Variants in PTPRN2 observed in about 807,000 individuals in gnomAD.
PTPRN2 encodes the protein protein tyrosine phosphatase receptor type N2, also known as receptor-type tyrosine-protein phosphatase N2.
A neutral mutation model predicts 118.8 loss-of-function variants in PTPRN2; 74 were observed. The observed-to-expected ratio is 0.62, with a 90% CI of 0.52 to 0.76. PTPRN2 has a LOEUF of 0.76. PTPRN2 is among the 30% of genes least tolerant of loss of function. PTPRN2 has a pLI of 0.00. For synonymous variants in PTPRN2, 641 were observed against 608.0 expected, an observed-to-expected ratio of 1.05 and a Z score of -0.80; for missense variants, 1,481 against 1,394.4, an observed-to-expected ratio of 1.06 and a Z score of -0.99.
chr7:158,565,554 G>A lies in PTPRN2; in HGVS notation c.112+22004C>T, dbSNP rs914886567. On this transcript the variant is annotated intron_variant, in intron 1 of 22. Coordinates refer to ENST00000389418, the MANE Select transcript of PTPRN2 (RefSeq NM_002847.5). This position sits in a 1 kb window ranked among gnomAD's most constrained non-coding sequence, Gnocchi z 4.6. The stretch of plus-strand genomic sequence containing the variant: ...AATGGTGAGAAATCTTAACTCGGAC[G>A]GCAAACTTCCCGTCTGGGATCTGCA... 6.6e-5 allele frequency among the ~76,000 whole-genome samples: 10 copies of A among 152,122 alleles called. No homozygotes were observed. The highest frequency in any genetic ancestry group is 1.2e-4 in the Non-Finnish European group (8 of 68,022).
chr7:157,811,988 C>A (rs1489578630), intron 12 of PTPRN2, among the ~76,000 whole-genome samples: 1 of 152,158 alleles, frequency 6.6e-6, no homozygotes, highest in Non-Finnish European at 1.5e-5. Flanking sequence ...CGACTTAAGA[C>A]ATGGCTCAGT....
intron 12 of PTPRN2, among the ~76,000 whole-genome samples, chr7:157,745,201 G>A (rs1048587723): frequency 2.6e-5 from 4 of 152,140 alleles, no homozygotes; most frequent in South Asian, 2.1e-4. Flanking sequence ...AGTCAGCAAC[G>A]GTGGCCCCTG....
chr7:158,262,490 CAT>C (rs1294474659), intron 3 of PTPRN2, among the ~76,000 whole-genome samples: 12 of 127,358 alleles, frequency 9.4e-5, no homozygotes, highest in East Asian at 7.0e-4. Flanking sequence ...GCTGCACACA[CAT>C]ACATGCACAC....
chr7:157,962,563 C>T (rs137926132), intron 11 of PTPRN2, among the ~76,000 whole-genome samples: 4 of 152,338 alleles, frequency 2.6e-5, no homozygotes, highest in African/African-American at 9.6e-5. Flanking sequence ...GTTAAGACTA[C>T]AGCTTCCTGA....
intron 9 of PTPRN2, among the ~76,000 whole-genome samples, chr7:158,114,362 G>C (rs1404601413): frequency 1.3e-5 from 2 of 152,200 alleles, no homozygotes; most frequent in Non-Finnish European, 1.5e-5. Context: ...ACTTGTTCAG[G>C]CATCTGCTTT....
At chr7:158,230,930 C>G (rs1401918942) in intron 3 of PTPRN2, among the ~76,000 whole-genome samples, 2 of 152,092 alleles carry the variant, frequency 1.3e-5, no homozygotes, top group African/African-American at 4.8e-5. Flanking sequence ...CACAATAAAC[C>G]AGCCATATCT....
chr7:158,214,607 C>T (rs544618755), intron 3 of PTPRN2, among the ~76,000 whole-genome samples: 1 of 152,132 alleles, frequency 6.6e-6, no homozygotes, highest in Admixed American at 6.5e-5. Flanking sequence ...TTTCATGAGG[C>T]TGTAATAAGG....
intron 11 of PTPRN2, among the ~76,000 whole-genome samples, chr7:158,020,874 C>T (rs901670141): frequency 6.6e-6 from 1 of 152,176 alleles, no homozygotes; most frequent in African/African-American, 2.4e-5. Flanking sequence ...CCTGGTCCTG[C>T]CGGAAGTGTG....
chr7:158,418,326 G>A (rs1331999573), intron 2 of PTPRN2, among the ~76,000 whole-genome samples: 15 of 149,184 alleles, frequency 1.0e-4, no homozygotes, highest in South Asian at 2.2e-4. Context: ...GTACTACATC[G>A]AGATGCTCTA....
chr7:158,472,863 C>A (rs763253626), intron 2 of PTPRN2, among the ~76,000 whole-genome samples: 18 of 152,180 alleles, frequency 1.2e-4, no homozygotes, highest in Non-Finnish European at 2.5e-4. Flanking sequence ...TGGGAGGCAG[C>A]AGTGGCGGCG....
intron 1 of PTPRN2, among the ~76,000 whole-genome samples, chr7:158,569,740 G>A (rs1209616579): frequency 7.0e-6 from 1 of 142,218 alleles, no homozygotes; most frequent in Non-Finnish European, 1.5e-5. Context: ...TGACAGGAAC[G>A]CGGGGCGCGA....
intron 11 of PTPRN2, among the ~76,000 whole-genome samples, chr7:158,054,386 T>C (rs1809620667): frequency 6.6e-6 from 1 of 152,184 alleles, no homozygotes; most frequent in Non-Finnish European, 1.5e-5. Flanking sequence ...ACACCCTTTC[T>C]GCAGACACTC....
chr7:158,379,013 G>T (rs1362528113), intron 2 of PTPRN2, among the ~76,000 whole-genome samples: 1 of 152,120 alleles, frequency 6.6e-6, no homozygotes, highest in Non-Finnish European at 1.5e-5. Flanking sequence ...TCTCAGAGCT[G>T]TGGAGGGGAA....
chr7:157,784,716 G>A lies in PTPRN2; in HGVS notation c.1789-101779C>T, dbSNP rs896462098. On this transcript the variant is annotated intron_variant, in intron 12 of 22. Coordinates refer to ENST00000389418, the MANE Select transcript of PTPRN2 (RefSeq NM_002847.5). The surrounding 1 kb of genome is among the most constrained non-coding windows in gnomAD (Gnocchi z 4.6). ...AACGGGCAGGGGCTGAGCTGATCCC[G>A]TGGCAGTGCAAACCGAGGGCCCCCT... Among the ~76,000 whole-genome samples the A allele has an allele frequency of 8.6e-5, 13 of 152,014 alleles. No homozygotes were observed. The highest frequency in any genetic ancestry group is 2.2e-4 in the African/African-American group (9 of 41,390).
intron 2 of PTPRN2, among the ~76,000 whole-genome samples, chr7:158,446,530 A>G (rs569123568): frequency 3.6e-4 from 55 of 151,000 alleles, no homozygotes; most frequent in African/African-American, 1.3e-3. Flanking sequence ...CAGCGGGCAG[A>G]CCCCACCCGG....
At position 157,583,045 on chromosome 7, in the gene PTPRN2, T is replaced by C. The variant is rs1446245867; in HGVS notation, c.2497-4905A>G. On this transcript the variant is annotated intron_variant, in intron 17 of 22. Coordinates refer to ENST00000389418, the MANE Select transcript of PTPRN2 (RefSeq NM_002847.5). The surrounding 1 kb of genome is among the most constrained non-coding windows in gnomAD (Gnocchi z 5.5). ...ACCCCTTTGTTTATTGCAGAACTATTCACAATAAACAAGATTTGGAACAAC... is the reference window on the plus strand; with the variant it reads ...ACCCCTTTGTTTATTGCAGAACTATCCACAATAAACAAGATTTGGAACAAC... 6.6e-6 allele frequency among the ~76,000 whole-genome samples: 1 copy of C among 152,018 alleles called. No homozygotes were observed. Among genetic ancestry groups the C allele is most frequent in the Admixed American group, 6.5e-5 (1 of 15,280 alleles).
chr7:158,250,150 A>G (rs1796564473), intron 3 of PTPRN2, among the ~76,000 whole-genome samples: 1 of 152,202 alleles, frequency 6.6e-6, no homozygotes, highest in African/African-American at 2.4e-5. Context: ...AAATATTATA[A>G]TAAAGAAAAT....
intron 12 of PTPRN2, among the ~76,000 whole-genome samples, chr7:157,800,962 T>C (rs931763774): frequency 1.3e-5 from 2 of 150,728 alleles, no homozygotes; most frequent in African/African-American, 4.9e-5. Context: ...AAAAAAAATA[T>C]ATATATACAT....
At chr7:158,345,874 G>T (rs1387506899) in intron 2 of PTPRN2, among the ~76,000 whole-genome samples, 10 of 152,234 alleles carry the variant, frequency 6.6e-5, no homozygotes. Flanking sequence ...CAGAAGGAGT[G>T]GGGGTGGGGG....
Sources: gnomAD v4.1 joint callset for allele counts (sites outside exome capture counted in the v4.1 genomes callset) on GRCh38, gnomAD v4.1.1 for gene constraint, Gnocchi (gnomAD v3.1) non-coding constraint, MANE v1.5 for transcripts, NCBI Gene and HGNC (gene_info 2026-07-23, HGNC 2026-07-21) for gene names.